The following SNRNP48 variants were observed in gnomAD, a reference collection of about 807,000 sequenced individuals.
SNRNP48 encodes the protein U11/U12 small nuclear ribonucleoprotein 48 kDa protein.
SNRNP48 carries 43 observed loss-of-function variants against 47.0 expected under a neutral mutation model. The observed-to-expected ratio is 0.92, with a 90% confidence interval of 0.72 to 1.18. The LOEUF is 1.18. Among genes scored for constraint, SNRNP48 ranks in the 50% most tolerant of loss-of-function variants. The probability of loss-of-function intolerance (pLI) is 0.00; values close to 1 mark genes in which losing one functional copy is unlikely to be tolerated. For synonymous variants in SNRNP48, 138 were observed against 144.0 expected (o/e 0.96, Z 0.30); for missense variants, 396 against 422.2 (o/e 0.94, Z 0.54).
intron 4 of SNRNP48, among the ~76,000 whole-genome samples, chr6:7,598,058 G>C (rs181866396): frequency 6.6e-6 from 1 of 151,162 alleles, no homozygotes; most frequent in Non-Finnish European, 1.5e-5. Context: ...TAGTAGAGAC[G>C]GGGTTTCACT....
Position 7,600,242 on chromosome 6 carries a change from A to G in SNRNP48, c.407-1094A>G, listed in dbSNP as rs931419908. The G allele has an allele frequency of 2.2e-5, 21 of 973,228 alleles. No individual in the cohort carries two copies. In the Admixed American group the frequency reaches 3.1e-4, roughly 14 times the overall value. 60.3% of individuals were successfully genotyped at this position (973,228 alleles called of 1,614,324 possible). A position where few individuals can be genotyped will look rare whatever the true frequency, so the allele number is the denominator to read the frequency against. On this transcript the variant is annotated intron_variant, in intron 4 of 8. Transcript: ENST00000342415. ...CACTGCAGCTCTCCTCTTAATATGTAGACAAGTAGTACCTCTTTTTTGTTG... is the reference window on the plus strand; with the variant it reads ...CACTGCAGCTCTCCTCTTAATATGTGGACAAGTAGTACCTCTTTTTTGTTG...
chr6:7,600,758 A>C (rs1760002545), intron 4 of SNRNP48: 1 of 152,140 alleles, frequency 6.6e-6, no homozygotes, highest in South Asian at 2.1e-4. Context: ...TCCTGGCGTG[A>C]GGAGGTGTGG....
chr6:7,609,127 G>T lies in SNRNP48; in HGVS notation c.*254G>T, dbSNP rs185703876. ...TGCTTCCTATAACTGATGTTGTTTTGTTCGTTTTGCTAATATATGTATCTC... is the reference window on the plus strand; with the variant it reads ...TGCTTCCTATAACTGATGTTGTTTTTTTCGTTTTGCTAATATATGTATCTC... On this transcript the variant is annotated 3_prime_UTR_variant, in exon 9 of 9. Coordinates refer to ENST00000342415, the MANE Select transcript of SNRNP48 (RefSeq NM_152551.4). 1.7e-3 allele frequency: 404 copies of T among 243,310 alleles called. 2 individuals are homozygous for T. Among genetic ancestry groups the T allele is most frequent in the African/African-American group, 8.3e-3 (371 of 44,788 alleles). 15.1% of individuals were successfully genotyped at this position (243,310 alleles called of 1,614,324 possible).
Position 7,601,338 on chromosome 6 carries a change from A to G in SNRNP48, c.409A>G (p.Ile137Val). The G allele has an allele frequency of 6.4e-7, 1 of 1,564,050 alleles. No individual in the cohort carries two copies. Among genetic ancestry groups the G allele is most frequent in the Non-Finnish European group, 8.6e-7 (1 of 1,166,784 alleles). The change falls in exon 5 of 9, where the codon ATT becomes GTT. Residue 137 changes from isoleucine to valine, a missense_variant and splice_region_variant. Coordinates refer to ENST00000342415, the MANE Select transcript of SNRNP48 (RefSeq NM_152551.4). Reference sequence around the variant, plus strand: ...TTGTGATTTTATTTTTACTTTAGGAATTTATTCTTCATTGCCTGTTGAAGT... The same window carrying G: ...TTGTGATTTTATTTTTACTTTAGGAGTTTATTCTTCATTGCCTGTTGAAGT... Reference protein sequence around the residue: ...GKDSDCYNQRIYSSLPVEVPL... With the variant: ...GKDSDCYNQRVYSSLPVEVPL...
rs1018133639 is a variant in SNRNP48, at chr6:7,609,597, C to T, written c.*724C>T. The T allele has an allele frequency of 1.3e-5, 2 of 151,958 alleles. No individual in the cohort carries two copies. The highest frequency in any genetic ancestry group is 2.4e-5 in the African/African-American group (1 of 41,340). 9.4% of individuals were successfully genotyped at this position (151,958 alleles called of 1,614,324 possible). On this transcript the variant is annotated 3_prime_UTR_variant, in exon 9 of 9. Coordinates refer to ENST00000342415, the MANE Select transcript of SNRNP48 (RefSeq NM_152551.4). ...GGAATCCATACCAAAGTTCTAACAG[C>T]GAGTAGGAGGTATAGATGAGAGATT...
intron 4 of SNRNP48, among the ~76,000 whole-genome samples, chr6:7,596,057 A>C (rs1412187441): frequency 6.6e-6 from 1 of 152,200 alleles, no homozygotes; most frequent in Non-Finnish European, 1.5e-5. Flanking sequence ...TGAGGTCAGA[A>C]GTTCAAGACC....
intron 6 of SNRNP48, among the ~76,000 whole-genome samples, chr6:7,604,303 G>A (rs1760085861): frequency 1.3e-5 from 2 of 152,194 alleles, no homozygotes; most frequent in African/African-American, 4.8e-5. Context: ...GAATATAGTG[G>A]AGGAGGAGAA....
rs981234182 is a variant in SNRNP48 at position 7,611,671 on chromosome 6, A to C, written c.*2798A>C. On this transcript the variant is annotated 3_prime_UTR_variant, in exon 9 of 9. Coordinates refer to ENST00000342415, the MANE Select transcript of SNRNP48 (RefSeq NM_152551.4). ...CTTAAATGCATTGAGAATATTTTCT[A>C]ATTACCTGTGTATGCTACAGTACAG... 1 of 152,196 alleles carries C rather than the reference A, an allele frequency of 6.6e-6. No homozygotes were observed. Among genetic ancestry groups the C allele is most frequent in the African/African-American group, 2.4e-5 (1 of 41,434 alleles). 9.4% of individuals were successfully genotyped at this position (152,196 alleles called of 1,614,324 possible). A position where few individuals can be genotyped will look rare whatever the true frequency, so the allele number is the denominator to read the frequency against.
rs1230335638 is a variant in SNRNP48, at chr6:7,605,458, C to T, written c.778C>T (p.Gln260Ter). Residue 260 changes from glutamine to a stop codon, truncating the protein, a stop_gained, in exon 7 of 9, where the codon CAA becomes TAA. Transcript: ENST00000342415. LOFTEE classifies it high-confidence loss of function. ...ACTCAGCAATCATTGGCAAGAAGAGCAAGAGAAGGCAGAGGATGATGCCGA... is the reference window on the plus strand; with the variant it reads ...ACTCAGCAATCATTGGCAAGAAGAGTAAGAGAAGGCAGAGGATGATGCCGA... ...EELSNHWQEEQEKAEDDAEKN... is the reference protein window; with the variant it reads ...EELSNHWQEE 2 of 1,613,946 alleles carry T rather than the reference C, an allele frequency of 1.2e-6. No homozygotes were observed. Among genetic ancestry groups the T allele is most frequent in the Non-Finnish European group, 1.7e-6 (2 of 1,179,982 alleles).
chr6:7,599,823 A>G, intron 4 of SNRNP48: 1 of 1,183,252 alleles, frequency 8.5e-7, no homozygotes, highest in Non-Finnish European at 1.1e-6. Context: ...CTTGAATTGG[A>G]ATTTTGGTTG....
At chr6:7,604,011 A>G (rs1311192050) in intron 6 of SNRNP48, among the ~76,000 whole-genome samples, 1 of 152,248 alleles carries the variant, frequency 6.6e-6, no homozygotes, top group Non-Finnish European at 1.5e-5. Flanking sequence ...AAAAATTGAA[A>G]TAAAAGATTG....
At chr6:7,597,839 A>G (rs1439781000) in intron 4 of SNRNP48, among the ~76,000 whole-genome samples, 2 of 151,268 alleles carry the variant, frequency 1.3e-5, no homozygotes, top group Admixed American at 6.6e-5. Context: ...ACTATCTTAA[A>G]TTAAGATTTA....
chr6:7,609,556 T>C lies in SNRNP48; in HGVS notation c.*683T>C, dbSNP rs1261202537. On this transcript the variant is annotated 3_prime_UTR_variant, in exon 9 of 9. Transcript: ENST00000342415. The stretch of plus-strand genomic sequence containing the variant: ...TGGCTATATAATGTACGTAAATCTA[T>C]TTTTAAAGGTTCAGAGGAATCCATA... 1 of 152,208 alleles carries C rather than the reference T, an allele frequency of 6.6e-6. No homozygotes were observed. The highest frequency in any genetic ancestry group is 1.5e-5 in the Non-Finnish European group (1 of 68,032). The allele number at this position is 152,208 out of a possible 1,614,324, so 9.4% of individuals were successfully genotyped here.
chr6:7,603,302 T>C (rs181261232), intron 6 of SNRNP48, among the ~76,000 whole-genome samples: 1 of 152,340 alleles, frequency 6.6e-6, no homozygotes, highest in Admixed American at 6.5e-5. Context: ...TATTAGTCTC[T>C]TGGTGTATGT....
At chr6:7,591,416 C>G (rs569091354) in intron 1 of SNRNP48, among the ~76,000 whole-genome samples, 1 of 152,096 alleles carries the variant, frequency 6.6e-6, no homozygotes, top group Non-Finnish European at 1.5e-5. Flanking sequence ...TTTACTATTA[C>G]TTCTGGGTTT....
chr6:7,594,141 A>T lies in SNRNP48; in HGVS notation c.313A>T (p.Ile105Leu), dbSNP rs1456497319. The change falls in exon 3 of 9, where the codon ATA (isoleucine) becomes TTA (leucine). Residue 105 changes from isoleucine to leucine, a missense_variant. Transcript: ENST00000342415. ...TGAGTTTTTCTATGAAAATGTGAAG[A>T]TACCTTCGATTACTTTGAGTAAGTA... ...NPEFFYENVK[I>L]PSITLNKDSQ... The T allele has an allele frequency of 7.1e-7, 1 of 1,408,696 alleles. No homozygotes were observed. Among genetic ancestry groups the T allele is most frequent in the South Asian group, 1.4e-5 (1 of 72,820 alleles). The allele number at this position is 1,408,696 out of a possible 1,614,324, so 87.3% of individuals were successfully genotyped here. A position where few individuals can be genotyped will look rare whatever the true frequency, so the allele number is the denominator to read the frequency against.
At chr6:7,597,704 A>G (rs1274802074) in intron 4 of SNRNP48, among the ~76,000 whole-genome samples, 2 of 152,176 alleles carry the variant, frequency 1.3e-5, no homozygotes, top group Non-Finnish European at 2.9e-5. Flanking sequence ...TATAATAGTA[A>G]TAAGGGAGAT....
At chr6:7,599,223 T>C (rs1759966451) in intron 4 of SNRNP48, among the ~76,000 whole-genome samples, 1 of 152,166 alleles carries the variant, frequency 6.6e-6, no homozygotes, top group Non-Finnish European at 1.5e-5. Flanking sequence ...TAGTACTATT[T>C]AATGTTGAAT....
chr6:7,603,299 C>G (rs1760065437), intron 6 of SNRNP48, among the ~76,000 whole-genome samples: 1 of 152,014 alleles, frequency 6.6e-6, no homozygotes, highest in Non-Finnish European at 1.5e-5. Context: ...ATGTATTAGT[C>G]TCTTGGTGTA....
Sources: allele counts gnomAD v4.1 joint callset (sites outside exome capture counted in the v4.1 genomes callset), GRCh38; gene constraint gnomAD v4.1.1; transcripts MANE v1.5; gene names NCBI Gene and HGNC (gene_info 2026-07-23, HGNC 2026-07-21).